NDUFC2: variants seen among roughly 807,000 people sequenced by gnomAD.
The protein encoded by NDUFC2 is NADH dehydrogenase [ubiquinone] 1 subunit C2.
NDUFC2 carries 2 observed loss-of-function variants against 10.1 expected under a neutral mutation model. The ratio of observed to expected loss-of-function variants is 0.20; its 90% CI spans 0.08 to 0.62. NDUFC2 has a LOEUF of 0.62. Ranked by LOEUF, NDUFC2 falls within the 20% of genes least tolerant of loss-of-function variation. The pLI is 0.87. For synonymous variants in NDUFC2, 61 were observed against 63.6 expected (o/e 0.96, Z 0.20); for missense variants, 156 against 159.6 (o/e 0.98, Z 0.12).
Position 78,069,595 on chromosome 11 carries a change from T to G in NDUFC2, c.*392A>C. The G allele has an allele frequency of 2.3e-6, 1 of 427,990 alleles. No homozygotes were observed. The highest frequency in any genetic ancestry group is 4.1e-5 in the East Asian group (1 of 24,470). The allele number at this position is 427,990 out of a possible 1,614,324, so 26.5% of individuals were successfully genotyped here. A position where few individuals can be genotyped will look rare whatever the true frequency, so the allele number is the denominator to read the frequency against. On this transcript the variant is annotated 3_prime_UTR_variant, in exon 3 of 3. Coordinates refer to ENST00000281031, the MANE Select transcript of NDUFC2 (RefSeq NM_004549.6). ...TTTTCTGAAAGGGCTACATATTAATTAGGCTTTGCAGGCCATAGGTCTCTA... is the reference window on the plus strand; with the variant it reads ...TTTTCTGAAAGGGCTACATATTAATGAGGCTTTGCAGGCCATAGGTCTCTA...
chr11:78,071,767 A>C (rs1011905570), intron 2 of NDUFC2, among the ~76,000 whole-genome samples: 1 of 152,236 alleles, frequency 6.6e-6, no homozygotes, highest in Non-Finnish European at 1.5e-5. Flanking sequence ...AGATAATAAA[A>C]GCAGAAATTT....
chr11:78,069,808 C>T lies in NDUFC2; in HGVS notation c.*179G>A. On this transcript the variant is annotated 3_prime_UTR_variant, in exon 3 of 3. Coordinates refer to ENST00000281031, the MANE Select transcript of NDUFC2 (RefSeq NM_004549.6). ...GATGGGTGAATGGAAACTGACCATT[C>T]TCTGATGATGAACTATTTTTCTTAC... The T allele has an allele frequency of 1.4e-6, 2 of 1,391,662 alleles. No individual in the cohort carries two copies. Among genetic ancestry groups the T allele is most frequent in the African/African-American group, 2.9e-5 (2 of 69,460 alleles). The allele number at this position is 1,391,662 out of a possible 1,614,324, so 86.2% of individuals were successfully genotyped here.
chr11:78,075,733 T>C (rs573292483), intron 1 of NDUFC2, among the ~76,000 whole-genome samples: 1 of 152,258 alleles, frequency 6.6e-6, no homozygotes, highest in African/African-American at 2.4e-5. Flanking sequence ...CACAGGTGCA[T>C]GCCACCACGT....
intron 1 of NDUFC2, among the ~76,000 whole-genome samples, chr11:78,076,210 C>T (rs1442092739): frequency 6.6e-6 from 1 of 151,840 alleles, no homozygotes; most frequent in Admixed American, 6.6e-5. Context: ...GGCACAATCT[C>T]GGCTCACTGA....
chr11:78,073,609 C>T (rs1177948202), intron 1 of NDUFC2, among the ~76,000 whole-genome samples: 1 of 151,848 alleles, frequency 6.6e-6, no homozygotes, highest in Admixed American at 6.6e-5. Context: ...GAGTACAAGA[C>T]CAGTTCACAT....
intron 1 of NDUFC2, among the ~76,000 whole-genome samples, chr11:78,077,298 A>C (rs1006494049): frequency 1.3e-5 from 2 of 152,100 alleles, no homozygotes; most frequent in Non-Finnish European, 2.9e-5. Flanking sequence ...TCTCAAAAAA[A>C]AAAAAAGGGT....
At chr11:78,070,069 TA>T in intron 2 of NDUFC2, 33 bp from the exon 3 acceptor site, 2 of 1,403,246 alleles carry the variant, frequency 1.4e-6, no homozygotes, top group Non-Finnish European at 2.0e-6. Context: ...AGATTTATTT[TA>T]AAAATATGTT....
intron 1 of NDUFC2, 138 bp downstream of exon 1, chr11:78,079,441 C>A: frequency 2.3e-6 from 3 of 1,278,900 alleles, no homozygotes; most frequent in Non-Finnish European, 3.1e-6. Flanking sequence ...GGCGCGGACT[C>A]CCCGGAAAGG....
At chr11:78,078,425 C>T (rs568572031) in intron 1 of NDUFC2, among the ~76,000 whole-genome samples, 56 of 152,312 alleles carry the variant, frequency 3.7e-4, no homozygotes, top group African/African-American at 1.1e-3. Flanking sequence ...GCCCCACGGG[C>T]CTAGAAAGCT....
intron 2 of NDUFC2, chr11:78,072,722 A>G: frequency 2.0e-6 from 1 of 501,832 alleles, no homozygotes; most frequent in South Asian, 3.2e-5. Context: ...TTCTGGCTTG[A>G]GTGTCCAGGT....
chr11:78,079,650 T>C lies in NDUFC2; in HGVS notation c.95A>G (p.Tyr32Cys), dbSNP rs768403888. Residue 32 changes from tyrosine (Y) to cysteine (C), a missense_variant, in exon 1 of 3, where the codon TAC (tyrosine) becomes TGC (cysteine). By Grantham distance (194) the Tyr-to-Cys change is radical. Transcript: ENST00000281031. ...GGAGCAGTAGCCCAAGAAGCCGATG[T>C]AGAGGAGCCGCGGGTCGGTCAGCTT... ...PPKLTDPRLL[Y>C]IGFLGYCSGL... 33 of 1,599,130 alleles carry C rather than the reference T, an allele frequency of 2.1e-5. No individual in the cohort carries two copies. The highest frequency in any genetic ancestry group is 2.7e-5 in the Non-Finnish European group (32 of 1,173,496).
chr11:78,079,428 T>A, intron 1 of NDUFC2, 151 bp downstream of exon 1: 2 of 1,124,344 alleles, frequency 1.8e-6, no homozygotes, highest in Non-Finnish European at 2.4e-6. Flanking sequence ...AAAGAGCTAA[T>A]GGGGCGCGGA....
intron 1 of NDUFC2, among the ~76,000 whole-genome samples, chr11:78,074,787 T>C (rs974612658): frequency 2.6e-5 from 4 of 152,204 alleles, no homozygotes; most frequent in Non-Finnish European, 5.9e-5. Context: ...GCCACTGCTT[T>C]CCATAATGGG....
chr11:78,073,275 T>G (rs975105005), intron 1 of NDUFC2, 134 bp from the exon 2 acceptor site: 1 of 1,356,718 alleles, frequency 7.4e-7, no homozygotes, highest in Non-Finnish European at 1.0e-6. Context: ...GTGGATCACC[T>G]GAGGTCAGGA....
In NDUFC2 at chr11:78,079,645, C is replaced by G; in HGVS notation, c.100G>C (p.Gly34Arg). 6.3e-7 allele frequency: 1 copy of G among 1,594,638 alleles called. No individual in the cohort carries two copies. The highest frequency in any genetic ancestry group is 8.5e-7 in the Non-Finnish European group (1 of 1,171,162). ...AGGCCGGAGCAGTAGCCCAAGAAGC[C>G]GATGTAGAGGAGCCGCGGGTCGGTC... ...KLTDPRLLYI[G>R]FLGYCSGLID... The change falls in exon 1 of 3, where the codon GGC (glycine) becomes CGC (arginine). Residue 34 changes from glycine to arginine, a missense_variant. Coordinates refer to ENST00000281031, the MANE Select transcript of NDUFC2 (RefSeq NM_004549.6).
chr11:78,071,254 A>ATTTTTTTTT (rs34320551), intron 2 of NDUFC2, among the ~76,000 whole-genome samples: 1 of 127,746 alleles, frequency 7.8e-6, no homozygotes, highest in African/African-American at 2.9e-5. Context: ...TAACAGAAGA[A>ATTTTTTTTT]TTTTTTTTTT....
chr11:78,079,682 G>C lies in NDUFC2; in HGVS notation c.63C>G (p.Pro21=), dbSNP rs764367597. Residue 21 remains proline (P), a synonymous_variant, in exon 1 of 3, where the codon CCC becomes CCG. Coordinates refer to ENST00000281031, the MANE Select transcript of NDUFC2 (RefSeq NM_004549.6). ...GCCGCGGGTCGGTCAGCTTGGGCGG[G>C]GGCAGGCTCCGGGCCTCATCCGGCA... is the stretch of plus-strand genomic sequence containing the variant. ...RFLPDEARSL[P]PPKLTDPRLL... 3 of 1,610,058 alleles carry C rather than the reference G, an allele frequency of 1.9e-6. No homozygotes were observed. Among genetic ancestry groups the C allele is most frequent in the South Asian group, 1.1e-5 (1 of 90,242 alleles).
chr11:78,073,023 T>A lies in NDUFC2; in HGVS notation c.285A>T (p.Leu95Phe). The change falls in exon 2 of 3, where the codon TTA becomes TTT. Residue 95 changes from leucine to phenylalanine, a missense_variant. Coordinates refer to ENST00000281031, the MANE Select transcript of NDUFC2 (RefSeq NM_004549.6). ...RDREMFGYMK[L>F]HPEDFPEEDK... ...CTTCTTCAGGAAAATCCTCTGGATG[T>A]AATTTCATATATCCAAACATTTCAC... 1 of 1,613,642 alleles carries A rather than the reference T, an allele frequency of 6.2e-7. No homozygotes were observed. The highest frequency in any genetic ancestry group is 8.5e-7 in the Non-Finnish European group (1 of 1,179,946).
intron 1 of NDUFC2, among the ~76,000 whole-genome samples, chr11:78,077,217 A>G (rs541859964): frequency 1.3e-5 from 2 of 152,074 alleles, no homozygotes; most frequent in South Asian, 4.2e-4. Flanking sequence ...GCCTGAGCCC[A>G]GGAGGTCGAG....
Sources: gnomAD v4.1 joint callset for allele counts (sites outside exome capture counted in the v4.1 genomes callset) on GRCh38, gnomAD v4.1.1 for gene constraint, MANE v1.5 for transcripts, NCBI Gene and HGNC (gene_info 2026-07-23, HGNC 2026-07-21) for gene names.